The following ANO6 variants were observed in gnomAD, a reference collection of about 807,000 sequenced individuals.
The protein encoded by ANO6 is anoctamin-6.
ANO6 carries 106 observed loss-of-function variants against 117.5 expected under a neutral mutation model. That is an observed-to-expected ratio of 0.90 (90% CI 0.77 to 1.06). ANO6 has a LOEUF of 1.06. Among genes scored for constraint, ANO6 ranks in the 50% least tolerant of loss-of-function variants. The pLI is 0.00. For missense variants in ANO6, 955 were observed against 1,121.1 expected (o/e 0.85, Z 2.12); for synonymous variants, 367 against 385.1 (o/e 0.95, Z 0.55).
chr12:45,348,493 A>G, intron 5 of ANO6, 25 bp from the exon 6 acceptor site: 3 of 1,585,442 alleles, frequency 1.9e-6, no homozygotes, highest in South Asian at 2.2e-5. Flanking sequence ...TATAAACCGC[A>G]TACTCTATTT....
chr12:45,319,918 G>T (rs1021357093), intron 2 of ANO6, among the ~76,000 whole-genome samples: 1 of 152,168 alleles, frequency 6.6e-6, no homozygotes, highest in Non-Finnish European at 1.5e-5. Context: ...AGTGTTTGTA[G>T]TATTCTCTGA....
At chr12:45,245,696 T>A (rs1947814723) in intron 1 of ANO6, among the ~76,000 whole-genome samples, 1 of 152,148 alleles carries the variant, frequency 6.6e-6, no homozygotes. Flanking sequence ...TTTTTCTCAT[T>A]GTAAAGTTGA....
chr12:45,380,158 C>T (rs1942132502), intron 10 of ANO6, among the ~76,000 whole-genome samples: 1 of 152,168 alleles, frequency 6.6e-6, no homozygotes, highest in Non-Finnish European at 1.5e-5. Flanking sequence ...CATATACGTA[C>T]CTTAAAAATG....
intron 1 of ANO6, among the ~76,000 whole-genome samples, chr12:45,263,367 C>CT (rs72457782): frequency 0.84 from 66,633 of 79,196 alleles, 30,345 homozygotes; most frequent in Non-Finnish European, 0.97. Context: ...CTGGCCTGGC[C>CT]TTTTTTTTTT....
chr12:45,401,894 G>T lies in ANO6; in HGVS notation c.1486G>T (p.Asp496Tyr), dbSNP rs1372590732. The change falls in exon 13 of 20, where the codon GAC becomes TAC. Residue 496 changes from aspartate (D) to tyrosine (Y), a missense_variant. Asp to Tyr is a radical substitution (Grantham distance 160). Transcript: ENST00000320560. ...AKLPKNINGT[D>Y]PIQKYLTPQT... is the part of the protein sequence containing the mutation. ...ACTTCCCAAGAACATTAATGGAACA[G>T]ACCCAATCCAGAAATACCTGACTCC... 6.2e-7 allele frequency: 1 copy of T among 1,613,942 alleles called. No individual in the cohort carries two copies. The highest frequency in any genetic ancestry group is 1.1e-5 in the South Asian group (1 of 91,058).
intron 8 of ANO6, among the ~76,000 whole-genome samples, chr12:45,365,992 C>T (rs1331083131): frequency 6.6e-6 from 1 of 152,128 alleles, no homozygotes; most frequent in Non-Finnish European, 1.5e-5. Context: ...GCTTCCCATT[C>T]CTATTTGTTT....
In ANO6 at chr12:45,396,483, A is replaced by G. The variant is rs559985792; in HGVS notation, c.1387-5312A>G. ...CCAATGACTTTCTTCACAGAATTGGAAAAAACTAAAGTTCATATGGAACCA... is the reference window on the plus strand; with the variant it reads ...CCAATGACTTTCTTCACAGAATTGGGAAAAACTAAAGTTCATATGGAACCA... On this transcript the variant is annotated intron_variant, in intron 12 of 19. Transcript: ENST00000320560. 6.6e-5 allele frequency among the ~76,000 whole-genome samples: 10 copies of G among 152,352 alleles called. No homozygotes were observed. In the East Asian group the frequency reaches 1.7e-3, roughly 26 times the overall value.
intron 10 of ANO6, among the ~76,000 whole-genome samples, chr12:45,386,063 AAAACAAAACAAAAAC>A (rs954003179): frequency 3.6e-4 from 55 of 152,060 alleles, no homozygotes; most frequent in African/African-American, 1.1e-3. Context: ...CCTTAAAAAC[AAAACAAAACAAAAAC>A]AAACAAAACA....
intron 9 of ANO6, among the ~76,000 whole-genome samples, chr12:45,373,608 A>G (rs540955498): frequency 1.4e-4 from 21 of 152,160 alleles, no homozygotes; most frequent in Non-Finnish European, 2.8e-4. Flanking sequence ...CTCCTGAATG[A>G]CTACTGGGTA....
At chr12:45,240,351 A>ATTATTTTT (rs1947720404) in intron 1 of ANO6, among the ~76,000 whole-genome samples, 1 of 30,700 alleles carries the variant, frequency 3.3e-5, no homozygotes, top group Non-Finnish European at 8.7e-5. Flanking sequence ...GCAACCCCTG[A>ATTATTTTT]TTTTTTTTTT....
chr12:45,378,212 C>A, intron 10 of ANO6, 99 bp downstream of exon 10: 1 of 1,120,994 alleles, frequency 8.9e-7, no homozygotes, highest in South Asian at 1.4e-5. Flanking sequence ...TTGTATTGCC[C>A]AGGCTTCAAC....
intron 1 of ANO6, among the ~76,000 whole-genome samples, chr12:45,269,181 G>A (rs1038072079): frequency 5.9e-5 from 9 of 152,304 alleles, no homozygotes; most frequent in African/African-American, 1.9e-4. Flanking sequence ...TAGTGCAGAT[G>A]TTCTTTTCTG....
At chr12:45,285,514 C>T (rs1938880736) in intron 1 of ANO6, among the ~76,000 whole-genome samples, 1 of 152,232 alleles carries the variant, frequency 6.6e-6, no homozygotes, top group Non-Finnish European at 1.5e-5. Flanking sequence ...GAGGCTGAGG[C>T]AGGCGAATCA....
intron 12 of ANO6, among the ~76,000 whole-genome samples, chr12:45,397,923 G>C (rs1243073159): frequency 6.6e-6 from 1 of 152,026 alleles, no homozygotes; most frequent in Non-Finnish European, 1.5e-5. Context: ...CATGGCACGT[G>C]TATACCTATG....
Position 45,367,671 on chromosome 12 carries a change from T to C in ANO6, c.999-17T>C. The C allele has an allele frequency of 6.2e-7, 1 of 1,604,584 alleles. No individual in the cohort carries two copies. The highest frequency in any genetic ancestry group is 1.1e-5 in the South Asian group (1 of 90,450). Reference sequence around the variant, plus strand: ...CTTTAAATTTTTTAAAATTAAGTTTTATTTCTCTCTTTTTAGCAAAGAAGT... The same window carrying C: ...CTTTAAATTTTTTAAAATTAAGTTTCATTTCTCTCTTTTTAGCAAAGAAGT... On this transcript the variant is annotated splice_polypyrimidine_tract_variant and intron_variant, in intron 8 of 19. Coordinates refer to ENST00000320560, the MANE Select transcript of ANO6 (RefSeq NM_001025356.3).
In ANO6 at chr12:45,424,327, G is replaced by GTTTTTTT. The variant is rs66945216; in HGVS notation, c.2526+1287_2526+1293dup. ...AGAGAGAGGGAAAACTAGGTGATGG[G>GTTTTTTT]TTTTTTTTTTTTTTTTTTTTTTTTT... On this transcript the variant is annotated intron_variant, in intron 19 of 19. Coordinates refer to ENST00000320560, the MANE Select transcript of ANO6 (RefSeq NM_001025356.3). Among the ~76,000 whole-genome samples the GTTTTTTT allele has an allele frequency of 4.1e-3, 333 of 81,266 alleles. 51 individuals are homozygous for GTTTTTTT. The highest frequency in any genetic ancestry group is 0.015 in the African/African-American group (299 of 20,278). 53.3% of individuals were successfully genotyped at this position (81,266 alleles called of 152,430 possible).
At chr12:45,409,247 AAT>A in intron 15 of ANO6, 108 bp from the exon 16 acceptor site, 1 of 1,418,738 alleles carries the variant, frequency 7.0e-7, no homozygotes, top group Non-Finnish European at 9.8e-7. Context: ...CAAACAAAAA[AAT>A]AGTTTATTGG....
In ANO6 at chr12:45,274,076, A is replaced by G. The variant is rs185385228; in HGVS notation, c.71-27938A>G. ...CTCACTGCTCACTTGTTCTTTCCCA[A>G]TCTCTCCTGCTGGATCCTTCTCTTC... On this transcript the variant is annotated intron_variant, in intron 1 of 19. Coordinates refer to ENST00000320560, the MANE Select transcript of ANO6 (RefSeq NM_001025356.3). Among the ~76,000 whole-genome samples the G allele has an allele frequency of 2.8e-4, 42 of 152,004 alleles. No homozygotes were observed. In the South Asian group the frequency reaches 3.5e-3, roughly 13 times the overall value.
downstream of ANO6, among the ~76,000 whole-genome samples, chr12:45,434,978 T>C (rs1197234589): frequency 1.3e-5 from 2 of 152,210 alleles, no homozygotes; most frequent in Non-Finnish European, 2.9e-5. Context: ...TTGCCTTCCT[T>C]GTTTTAATCT....
Sources: gnomAD v4.1 joint callset for allele counts (sites outside exome capture counted in the v4.1 genomes callset) on GRCh38, gnomAD v4.1.1 for gene constraint, MANE v1.5 for transcripts, NCBI Gene and HGNC (gene_info 2026-07-23, HGNC 2026-07-21) for gene names.